The following MYH10 variants were observed in gnomAD, a reference collection of about 807,000 sequenced individuals.
The protein encoded by MYH10 is myosin heavy chain 10.
A neutral mutation model predicts 257.8 loss-of-function variants in MYH10; 55 were observed. The observed-to-expected ratio is 0.21, with a 90% confidence interval of 0.17 to 0.27. MYH10 has a LOEUF of 0.27. MYH10 is among the 10% of genes least tolerant of loss of function. The pLI is 1.00. For missense variants in MYH10, 1,631 were observed against 2,500.6 expected, an observed-to-expected ratio of 0.65 and a Z score of 7.42; for synonymous variants, 854 against 921.7, an observed-to-expected ratio of 0.93 and a Z score of 1.33.
chr17:8,524,619 A>G (rs1305984112), intron 17 of MYH10, among the ~76,000 whole-genome samples: 1 of 152,012 alleles, frequency 6.6e-6, no homozygotes, highest in Non-Finnish European at 1.5e-5. Flanking sequence ...CCAAAAGTTA[A>G]GATGTCATCG....
chr17:8,614,307 CTTTTTTTTTT>C (rs35801623), intron 2 of MYH10, among the ~76,000 whole-genome samples: 3 of 77,128 alleles, frequency 3.9e-5, no homozygotes, highest in Non-Finnish European at 7.4e-5. Flanking sequence ...CAATTCACTT[CTTTTTTTTTT>C]TTTTTTTTTT....
At chr17:8,544,804 A>G (rs2082392941) in intron 13 of MYH10, among the ~76,000 whole-genome samples, 1 of 152,212 alleles carries the variant, frequency 6.6e-6, no homozygotes, top group African/African-American at 2.4e-5. Flanking sequence ...TTCTGCATTG[A>G]TGATGAGTAA....
chr17:8,516,984 AC>A (rs1308364293), intron 21 of MYH10, among the ~76,000 whole-genome samples: 7 of 152,028 alleles, frequency 4.6e-5, no homozygotes, highest in Non-Finnish European at 8.8e-5. Context: ...TAAAAAAAAT[AC>A]AAAAAATTAG....
chr17:8,509,752 T>C (rs2081197662), intron 25 of MYH10, 60 bp downstream of exon 25: 6 of 1,493,198 alleles, frequency 4.0e-6, no homozygotes, highest in Non-Finnish European at 5.4e-6. Flanking sequence ...TGTATCAACA[T>C]AATATTATAT....
intron 28 of MYH10, among the ~76,000 whole-genome samples, chr17:8,502,082 C>A: frequency 6.6e-6 from 1 of 152,234 alleles, no homozygotes; most frequent in Non-Finnish European, 1.5e-5. Flanking sequence ...CTGAAGCACA[C>A]TGCTAGCAAA....
chr17:8,620,999 G>C (rs945550084), intron 2 of MYH10, among the ~76,000 whole-genome samples: 1 of 152,118 alleles, frequency 6.6e-6, no homozygotes, highest in Non-Finnish European at 1.5e-5. Context: ...GAATTATGTG[G>C]AATGGCTGCA....
At chr17:8,493,656 C>T in intron 32 of MYH10, 77 bp downstream of exon 32, 17 of 1,474,714 alleles carry the variant, frequency 1.2e-5, no homozygotes, top group Non-Finnish European at 7.3e-6. Context: ...GGAGCTGAGA[C>T]AGCCCAGCAC....
At chr17:8,530,821 G>A in intron 16 of MYH10, 136 bp from the exon 17 acceptor site, 1 of 600,274 alleles carries the variant, frequency 1.7e-6, no homozygotes, top group South Asian at 2.4e-5. Context: ...CAGATCCCAT[G>A]CAAACATGAC....
At position 8,504,659 on chromosome 17, in the gene MYH10, A is replaced by G. The variant is rs2151854471; in HGVS notation, c.3599+35T>C. On this transcript the variant is annotated intron_variant, in intron 28 of 42. Coordinates refer to ENST00000360416, the MANE Select transcript of MYH10 (RefSeq NM_001256012.3). The surrounding 1 kb of genome is among the most constrained non-coding windows in gnomAD (Gnocchi z 5.6). ...GCACGGGCTCGGTGGAGAGGTCGGC[A>G]GGCGCCCGGGCCCTGCTTCCTCTCC... is the stretch of plus-strand genomic sequence containing the variant. 6.3e-7 allele frequency: 1 copy of G among 1,588,014 alleles called. No individual in the cohort carries two copies. The highest frequency in any genetic ancestry group is 2.1e-4 in the Middle Eastern group (1 of 4,694).
intron 9 of MYH10, 25 bp from the exon 10 acceptor site, chr17:8,548,812 A>T (rs1398967462): frequency 1.3e-6 from 2 of 1,583,174 alleles, no homozygotes; most frequent in East Asian, 4.5e-5. Context: ...AATGGAAGAA[A>T]ATTTGATAAA....
At chr17:8,617,522 T>C (rs1176037524) in intron 2 of MYH10, among the ~76,000 whole-genome samples, 9 of 152,230 alleles carry the variant, frequency 5.9e-5, no homozygotes, top group Non-Finnish European at 2.9e-5. Flanking sequence ...TTCTGTTTCC[T>C]TCTGGAACTC....
At chr17:8,480,025 A>C (rs1913415151) in intron 40 of MYH10, 85 bp downstream of exon 40, 1 of 1,226,060 alleles carries the variant, frequency 8.2e-7, no homozygotes. Flanking sequence ...CGTGGTGGGG[A>C]GCCCCCCCGA....
Position 8,508,776 on chromosome 17 carries a change from A to G in MYH10, c.3091-99T>C, listed in dbSNP as rs77994461. On this transcript the variant is annotated intron_variant, in intron 25 of 42. Coordinates refer to ENST00000360416, the MANE Select transcript of MYH10 (RefSeq NM_001256012.3). ...GTCAACTTTGACTCGAGAGAAAATA[A>G]GTTCTATCGGCACTGCCTCCCCCAG... is the stretch of plus-strand genomic sequence containing the variant. The G allele has an allele frequency of 7.7e-3, 11,048 of 1,438,226 alleles. 551 individuals carry two copies. The African/African-American group carries it at 0.12, about 16-fold the overall frequency. 89.1% of individuals were successfully genotyped at this position (1,438,226 alleles called of 1,614,324 possible).
At chr17:8,624,060 A>T (rs536016527) in intron 1 of MYH10, among the ~76,000 whole-genome samples, 1 of 152,356 alleles carries the variant, frequency 6.6e-6, no homozygotes, top group African/African-American at 2.4e-5. Context: ...AGAAGCAAAC[A>T]TCATAGCCCA....
chr17:8,588,593 A>G (rs1301695593), intron 4 of MYH10, among the ~76,000 whole-genome samples: 1 of 152,220 alleles, frequency 6.6e-6, no homozygotes, highest in African/African-American at 2.4e-5. Flanking sequence ...TCTTGCCTAG[A>G]TAACTGAATA....
chr17:8,492,455 C>T lies in MYH10; in HGVS notation c.4513G>A (p.Ala1505Thr). 6.2e-7 allele frequency: 1 copy of T among 1,612,654 alleles called. No homozygotes were observed. Among genetic ancestry groups the T allele is most frequent in the Non-Finnish European group, 8.5e-7 (1 of 1,180,028 alleles). ...TCTTTCTCTCTGGCCTCGGCTTCGG[C>T]CCGGTCCCGCTCTTCGGCATAGCGA... Reference protein sequence around the residue: ...SARYAEERDRAEAEAREKETK... With the variant: ...SARYAEERDRTEAEAREKETK... Residue 1505 changes from alanine (A) to threonine (T), a missense_variant, in exon 34 of 43, where the codon GCC becomes ACC. Physicochemically the swap from Ala to Thr is moderately conservative, Grantham distance 58 (BLOSUM62 0). Transcript: ENST00000360416.
chr17:8,596,302 G>A (rs2084369485), intron 3 of MYH10, among the ~76,000 whole-genome samples: 1 of 151,912 alleles, frequency 6.6e-6, no homozygotes, highest in Admixed American at 6.6e-5. Flanking sequence ...ACAGGCATGA[G>A]TTACCACGCC....
At chr17:8,489,743 A>ACACACACACACACACACC (rs1437818172) in intron 35 of MYH10, among the ~76,000 whole-genome samples, 23 of 150,254 alleles carry the variant, frequency 1.5e-4, no homozygotes, top group Middle Eastern at 3.4e-3. Flanking sequence ...ACACACACAC[A>ACACACACACACACACACC]CACCCCAAAT....
At chr17:8,547,745 A>G (rs1474899323) in intron 11 of MYH10, among the ~76,000 whole-genome samples, 1 of 146,960 alleles carries the variant, frequency 6.8e-6, no homozygotes, top group Admixed American at 6.8e-5. Context: ...TGTATATTAT[A>G]TATACATATA....
Sources: gnomAD v4.1 joint callset for allele counts (sites outside exome capture counted in the v4.1 genomes callset) on GRCh38, gnomAD v4.1.1 for gene constraint, Gnocchi (gnomAD v3.1) non-coding constraint, MANE v1.5 for transcripts, NCBI Gene and HGNC (gene_info 2026-07-23, HGNC 2026-07-21) for gene names.